Variants in PCDH15 observed in about 807,000 individuals in gnomAD.
The protein encoded by PCDH15 is protocadherin-15.
A neutral mutation model predicts 178.5 loss-of-function variants in PCDH15; 129 were observed. That is an observed-to-expected ratio of 0.72 (90% confidence interval 0.63 to 0.84). The LOEUF (loss-of-function observed/expected upper bound fraction) is 0.84. Among genes scored for constraint, PCDH15 ranks in the 40% least tolerant of loss-of-function variants. The pLI is 0.00. For synonymous variants in PCDH15, 800 were observed against 732.0 expected, an observed-to-expected ratio of 1.09 and a Z score of -1.50; for missense variants, 2,230 against 2,099.9, an observed-to-expected ratio of 1.06 and a Z score of -1.21.
chr10:54,847,270 T>G (rs1953533566), intron 3 of PCDH15, among the ~76,000 whole-genome samples: 1 of 152,164 alleles, frequency 6.6e-6, no homozygotes, highest in South Asian at 2.1e-4. Context: ...ACTTCACATG[T>G]TTTAAATGAA....
intron 1 of PCDH15, among the ~76,000 whole-genome samples, chr10:55,231,308 G>A (rs750069082): frequency 3.4e-4 from 51 of 151,970 alleles, no homozygotes; most frequent in Non-Finnish European, 6.8e-4. Context: ...TAAAACCAAT[G>A]TAATTCTTGG....
At chr10:53,822,354 G>GGAAGAGGAAGAGGGATA in intron 32 of PCDH15, 1 of 1,579,698 alleles carries the variant, frequency 6.3e-7, no homozygotes, top group Non-Finnish European at 8.6e-7. Context: ...TGTAGGAGGA[G>GGAAGAGGAAGAGGGATA]GAAGAGGAAG....
At chr10:54,392,468 CAAAAAAAAAAAA>C (rs71007849) in intron 3 of PCDH15, among the ~76,000 whole-genome samples, 19 of 66,124 alleles carry the variant, frequency 2.9e-4, no homozygotes, top group Middle Eastern at 0.021. Flanking sequence ...GAGGCTGTCT[CAAAAAAAAAAAA>C]AAAAAAAAAA....
At chr10:55,238,252 C>T (rs940344236) in intron 1 of PCDH15, among the ~76,000 whole-genome samples, 30 of 151,258 alleles carry the variant, frequency 2.0e-4, no homozygotes, top group Admixed American at 6.6e-5. Context: ...CAGGTTCACG[C>T]CATTCTCCTG....
At chr10:54,174,702 C>CT (rs1169302544) in intron 13 of PCDH15, among the ~76,000 whole-genome samples, 4,781 of 83,706 alleles carry the variant, frequency 0.057, 437 homozygotes, top group Admixed American at 0.1. Context: ...TTTTTCTTTT[C>CT]TTTTTTTTTT....
chr10:54,747,854 G>A (rs1032826212), intron 1 of PCDH15, among the ~76,000 whole-genome samples: 2 of 137,634 alleles, frequency 1.5e-5, no homozygotes, highest in African/African-American at 5.5e-5. Flanking sequence ...AGCCCAAGCT[G>A]GAGTGCAGTG....
intron 3 of PCDH15, among the ~76,000 whole-genome samples, chr10:54,521,351 A>C (rs537353229): frequency 0.045 from 6,784 of 152,236 alleles, 211 homozygotes; most frequent in Non-Finnish European, 0.064. Flanking sequence ...CTTAGAGAAT[A>C]CTGATGGGAT....
intron 20 of PCDH15, among the ~76,000 whole-genome samples, chr10:54,015,236 T>C (rs553721375): frequency 1.2e-4 from 19 of 152,194 alleles, no homozygotes; most frequent in Non-Finnish European, 1.2e-4. Flanking sequence ...ATTTAAAATA[T>C]TGCTCAGTGA....
At chr10:54,831,533 C>G (rs1953227665) in intron 3 of PCDH15, among the ~76,000 whole-genome samples, 1 of 151,970 alleles carries the variant, frequency 6.6e-6, no homozygotes, top group African/African-American at 2.4e-5. Flanking sequence ...GTTCTACACA[C>G]AACACAAATT....
intron 3 of PCDH15, among the ~76,000 whole-genome samples, chr10:54,854,702 C>T (rs1293034838): frequency 3.3e-5 from 5 of 152,166 alleles, no homozygotes; most frequent in Admixed American, 1.3e-4. Flanking sequence ...ATCTGCCCAG[C>T]TCTGGCTGAT....
intron 2 of PCDH15, among the ~76,000 whole-genome samples, chr10:55,463,270 C>T (rs985585295): frequency 2.0e-5 from 3 of 152,032 alleles, no homozygotes; most frequent in African/African-American, 7.2e-5. Context: ...TAGAGTTATA[C>T]TGATAAGAAA....
chr10:54,931,998 T>G (rs1837790089), intron 2 of PCDH15, among the ~76,000 whole-genome samples: 1 of 152,180 alleles, frequency 6.6e-6, no homozygotes, highest in African/African-American at 2.4e-5. Context: ...ATATGCCTCT[T>G]AACAACGTTT....
rs770089283 is a variant in PCDH15 at position 55,537,435 on chromosome 10, GTATT to G, written c.-156+90186_-156+90189del. On this transcript the variant is annotated intron_variant, in intron 2 of 5. Coordinates refer to the PCDH15 transcript ENST00000613346. ...TTTATGTATGTATGTATGTATGTATGTATTTATTTATTTATTTTGAGACAGAGTC... is the reference window on the plus strand; with the variant it reads ...TTTATGTATGTATGTATGTATGTATGTATTTATTTATTTTGAGACAGAGTC... 3.9e-3 allele frequency among the ~76,000 whole-genome samples: 570 copies of G among 147,990 alleles called. 5 individuals are homozygous for G. The highest frequency in any genetic ancestry group is 0.013 in the African/African-American group (526 of 41,138).
chr10:53,956,450 CTATA>C (rs1377421795), intron 23 of PCDH15, among the ~76,000 whole-genome samples: 1 of 152,012 alleles, frequency 6.6e-6, no homozygotes, highest in Non-Finnish European at 1.5e-5. Flanking sequence ...AAATTTAGAC[CTATA>C]TAAACATTTA....
intron 32 of PCDH15, chr10:53,821,855 A>G (rs1307965673): frequency 1.2e-6 from 2 of 1,612,498 alleles, no homozygotes; most frequent in African/African-American, 2.7e-5. Context: ...AAGAAAAGCA[A>G]CATTACAGTG....
At chr10:54,287,899 G>A (rs1233309354) in intron 8 of PCDH15, among the ~76,000 whole-genome samples, 3 of 152,140 alleles carry the variant, frequency 2.0e-5, no homozygotes, top group Admixed American at 6.6e-5. Context: ...ATGGACTCTG[G>A]ACGCTAGATA....
chr10:54,679,529 T>C (rs1365206747), intron 1 of PCDH15, among the ~76,000 whole-genome samples: 2 of 152,172 alleles, frequency 1.3e-5, no homozygotes, highest in African/African-American at 4.8e-5. Flanking sequence ...TTCCACTAAC[T>C]AAGTATTAAA....
intron 2 of PCDH15, among the ~76,000 whole-genome samples, chr10:55,080,956 G>C (rs988708144): frequency 1.3e-5 from 2 of 152,132 alleles, no homozygotes; most frequent in Admixed American, 6.6e-5. Context: ...CCCATTGTTA[G>C]ATAAACCCAA....
At chr10:55,452,550 C>T (rs72788805) in intron 2 of PCDH15, among the ~76,000 whole-genome samples, 6,073 of 152,210 alleles carry the variant, frequency 0.04, 192 homozygotes, top group Middle Eastern at 0.088. Flanking sequence ...TTCTAGCATT[C>T]AGAAAATAAT....
Sources: allele counts gnomAD v4.1 joint callset (sites outside exome capture counted in the v4.1 genomes callset), GRCh38; gene constraint gnomAD v4.1.1; transcripts MANE v1.5; gene names NCBI Gene and HGNC (gene_info 2026-07-23, HGNC 2026-07-21).